The following BTN1A1 variants were observed in gnomAD, a reference collection of about 807,000 sequenced individuals.
BTN1A1 encodes the protein butyrophilin subfamily 1 member A1.
In BTN1A1, 26 loss-of-function variants were observed where a neutral mutation model predicts 33.1. That is an observed-to-expected ratio of 0.79 (90% CI 0.58 to 1.09). The LOEUF (loss-of-function observed/expected upper bound fraction) is 1.09. Ranked by LOEUF, BTN1A1 falls within the 50% of genes least tolerant of loss-of-function variation. BTN1A1 has a pLI of 0.00. For synonymous variants in BTN1A1, 235 were observed against 256.2 expected (o/e 0.92, Z 0.79); for missense variants, 558 against 655.7 (o/e 0.85, Z 1.63).
chr6:26,503,299 A>G (rs1239748789), intron 3 of BTN1A1, among the ~76,000 whole-genome samples: 2 of 152,186 alleles, frequency 1.3e-5, no homozygotes, highest in Admixed American at 1.3e-4. Context: ...AGCCTGGCCA[A>G]CATGGCAAAA....
intron 4 of BTN1A1, among the ~76,000 whole-genome samples, chr6:26,505,477 A>G (rs1046800463): frequency 2.0e-5 from 3 of 152,168 alleles, no homozygotes; most frequent in African/African-American, 7.2e-5. Flanking sequence ...ACTGGAGTGC[A>G]GCAGCAGAAT....
chr6:26,500,864 G>A (rs561593615), intron 1 of BTN1A1, among the ~76,000 whole-genome samples: 29 of 152,264 alleles, frequency 1.9e-4, no homozygotes, highest in African/African-American at 5.3e-4. Flanking sequence ...GCATTGAGCC[G>A]AGATCATGCC....
chr6:26,505,116 A>T lies in BTN1A1; in HGVS notation c.619A>T (p.Ile207Phe). ...TTTGTTCACTGTGGCTGCTTCAGTG[A>T]TCATCAGAGACACTTCTGCGAAAAA... ...EGLFTVAASV[I>F]IRDTSAKNVS... The change falls in exon 4 of 8, where the codon ATC becomes TTC. Residue 207 changes from isoleucine (I) to phenylalanine (F), a missense_variant. Physicochemically the swap from Ile to Phe is conservative, Grantham distance 21. Transcript: ENST00000684113. The T allele has an allele frequency of 6.2e-7, 1 of 1,614,188 alleles. No homozygotes were observed. The highest frequency in any genetic ancestry group is 8.5e-7 in the Non-Finnish European group (1 of 1,179,998).
At position 26,508,606 on chromosome 6, in the gene BTN1A1, CAG is replaced by C. The variant is rs775011189; in HGVS notation, c.1019_1020del (p.Arg340IlefsTer2). ...TCACGTCAGAAACTGCCTGAGAAAA[CAG>C]AGAGATTTGACTCCTGGCCCTGTGT... On this transcript the variant is annotated frameshift_variant, in exon 8 of 8. Coordinates refer to ENST00000684113, the MANE Select transcript of BTN1A1 (RefSeq NM_001732.3). LOFTEE classifies it low-confidence loss of function (END_TRUNC). 1.4e-5 allele frequency: 22 copies of C among 1,614,086 alleles called. No individual in the cohort carries two copies. The highest frequency in any genetic ancestry group is 1.3e-4 in the South Asian group (12 of 91,090).
rs201510329 is a variant in BTN1A1, at chr6:26,501,754, G to A, written c.244G>A (p.Glu82Lys). 13 of 1,613,646 alleles carry A rather than the reference G, an allele frequency of 8.1e-6. No homozygotes were observed. The highest frequency in any genetic ancestry group is 8.0e-5 in the African/African-American group (6 of 74,938). ...CGTGCTGGTGCATAGGGACGGGCGC[G>A]AGCAGGAAGCCGAGCAGATGCCCGA... Reference protein sequence around the residue: ...PAVLVHRDGREQEAEQMPEYR... With the variant: ...PAVLVHRDGRKQEAEQMPEYR... The change falls in exon 3 of 8, where the codon GAG (glutamate) becomes AAG (lysine). Residue 82 changes from glutamate to lysine, a missense_variant. Transcript: ENST00000684113. This position sits in a 1 kb window ranked among gnomAD's most constrained non-coding sequence, Gnocchi z 5.2.
intron 3 of BTN1A1, among the ~76,000 whole-genome samples, chr6:26,502,872 C>A (rs1581428516): frequency 6.6e-6 from 1 of 152,010 alleles, no homozygotes; most frequent in East Asian, 1.9e-4. Context: ...TTGCTTCAAG[C>A]CAGAATTCAA....
chr6:26,501,122 A>G lies in BTN1A1; in HGVS notation c.-57-108A>G. On this transcript the variant is annotated intron_variant, in intron 1 of 7. Transcript: ENST00000684113. This position sits in a 1 kb window ranked among gnomAD's most constrained non-coding sequence, Gnocchi z 5.2. ...GGGATGGAGGCTGAGAGGAGGTTTC[A>G]GGGGCAAATGACCAGAACACTTGCA... 3 of 646,864 alleles carry G rather than the reference A, an allele frequency of 4.6e-6. No individual in the cohort carries two copies. In the South Asian group the frequency reaches 5.4e-5, roughly 12 times the overall value. The allele number at this position is 646,864 out of a possible 1,614,324, so 40.1% of individuals were successfully genotyped here. A position where few individuals can be genotyped will look rare whatever the true frequency, so the allele number is the denominator to read the frequency against.
intron 3 of BTN1A1, 121 bp downstream of exon 3, chr6:26,502,058 G>A: frequency 7.5e-7 from 1 of 1,341,684 alleles, no homozygotes; most frequent in Non-Finnish European, 9.6e-7. Context: ...TGATGTCGCC[G>A]GGGAGGGACG....
Position 26,509,000 on chromosome 6 carries a change from C to T in BTN1A1, c.1407C>T (p.Pro469=). Reference sequence around the variant, plus strand: ...GCCTATGGTCTAGCGGTAAAAAGCCCCTGACCATCTGCCCAATTGCTGATG... The same window carrying T: ...GCCTATGGTCTAGCGGTAAAAAGCCTCTGACCATCTGCCCAATTGCTGATG... ...FFCLWSSGKK[P]LTICPIADGP... Residue 469 remains proline, a synonymous_variant, in exon 8 of 8, where the codon CCC becomes CCT. Coordinates refer to ENST00000684113, the MANE Select transcript of BTN1A1 (RefSeq NM_001732.3). The T allele has an allele frequency of 6.2e-7, 1 of 1,614,202 alleles. No homozygotes were observed. Among genetic ancestry groups the T allele is most frequent in the Non-Finnish European group, 8.5e-7 (1 of 1,180,034 alleles).
intron 5 of BTN1A1, 136 bp from the exon 6 acceptor site, chr6:26,507,814 A>T: frequency 1.1e-6 from 1 of 912,880 alleles, no homozygotes. Flanking sequence ...CTTGTTCTTG[A>T]TTTATTGGCA....
intron 3 of BTN1A1, among the ~76,000 whole-genome samples, chr6:26,503,049 G>A (rs770402604): frequency 6.6e-6 from 1 of 152,106 alleles, no homozygotes; most frequent in Non-Finnish European, 1.5e-5. Context: ...AATAGTCTGG[G>A]ACCAGTGGCC....
In BTN1A1 at chr6:26,504,843, T is replaced by G. The variant is rs531552265; in HGVS notation, c.428-82T>G. The G allele has an allele frequency of 5.0e-6, 7 of 1,404,456 alleles. No individual in the cohort carries two copies. In the Admixed American group the frequency reaches 1.0e-4, roughly 20 times the overall value. 87.0% of individuals were successfully genotyped at this position (1,404,456 alleles called of 1,614,324 possible). Reference sequence around the variant, plus strand: ...CACTTGTGCCTTTCTGTCTCTCTCTTTCTCAAACTATGTAGCTCTCTGGTT... The same window carrying G: ...CACTTGTGCCTTTCTGTCTCTCTCTGTCTCAAACTATGTAGCTCTCTGGTT... On this transcript the variant is annotated intron_variant, in intron 3 of 7. Transcript: ENST00000684113.
chr6:26,506,647 T>A (rs1185714698), intron 4 of BTN1A1, 36 bp from the exon 5 acceptor site: 3 of 1,608,666 alleles, frequency 1.9e-6, no homozygotes, highest in Non-Finnish European at 2.5e-6. Context: ...GCTCAGAATT[T>A]CTCAACTAAT....
intron 4 of BTN1A1, among the ~76,000 whole-genome samples, chr6:26,506,009 C>G (rs1475420485): frequency 2.0e-5 from 3 of 151,250 alleles, no homozygotes; most frequent in African/African-American, 7.3e-5. Context: ...GTCCCAGCTA[C>G]TTGGGAGGCT....
chr6:26,508,288 G>T (rs752362445), intron 7 of BTN1A1, among the ~76,000 whole-genome samples: 22 of 152,172 alleles, frequency 1.4e-4, no homozygotes, highest in Admixed American at 2.6e-4. Context: ...GTCCCATTAG[G>T]CCCTAGGCAC....
rs1260884629 is a variant in BTN1A1, at chr6:26,505,171, T to C, written c.674T>C (p.Leu225Pro). Residue 225 changes from leucine to proline, a missense_variant, in exon 4 of 8, where the codon CTT (leucine) becomes CCT (proline). Leu to Pro is a moderately conservative substitution (Grantham distance 98). Transcript: ENST00000684113. The stretch of plus-strand genomic sequence containing the variant: ...TCCTGCTACATCCAGAATCTCCTTC[T>C]TGGCCAGGAGAAGAAAGTAGAAATA... ...NVSCYIQNLL[L>P]GQEKKVEISI... is the part of the protein sequence containing the mutation. 3 of 1,613,884 alleles carry C rather than the reference T, an allele frequency of 1.9e-6. No homozygotes were observed. The South Asian group carries it at 3.3e-5, about 18-fold the overall frequency.
In BTN1A1 at chr6:26,505,198, C is replaced by A; in HGVS notation, c.701C>A (p.Ser234Tyr). The A allele has an allele frequency of 6.2e-7, 1 of 1,613,076 alleles. No homozygotes were observed. Among genetic ancestry groups the A allele is most frequent in the Non-Finnish European group, 8.5e-7 (1 of 1,179,200 alleles). ...GGCCAGGAGAAGAAAGTAGAAATAT[C>A]CATACCAGGTTAGTGGAACCAATGC... ...LLGQEKKVEI[S>Y]IPASSLPRLT... Residue 234 changes from serine (S) to tyrosine (Y), a missense_variant, in exon 4 of 8, where the codon TCC becomes TAC. By Grantham distance (144) the Ser-to-Tyr change is moderately radical. Coordinates refer to ENST00000684113, the MANE Select transcript of BTN1A1 (RefSeq NM_001732.3).
rs1763797395 is a variant in BTN1A1, at chr6:26,501,495, G to C, written c.80-95G>C. 6.9e-6 allele frequency: 11 copies of C among 1,584,182 alleles called. No individual in the cohort carries two copies. Among genetic ancestry groups the C allele is most frequent in the African/African-American group, 2.7e-5 (2 of 74,244 alleles). ...AAACTCAGCTGTCAAAGGAGTAAGA[G>C]AGCGCGGGGCACTGCGCTTTGGCGG... On this transcript the variant is annotated intron_variant, in intron 2 of 7. Coordinates refer to ENST00000684113, the MANE Select transcript of BTN1A1 (RefSeq NM_001732.3). The surrounding 1 kb of genome is among the most constrained non-coding windows in gnomAD (Gnocchi z 5.2).
chr6:26,507,855 A>G (rs1763891073), intron 5 of BTN1A1, 95 bp from the exon 6 acceptor site: 1 of 1,256,078 alleles, frequency 8.0e-7, no homozygotes, highest in African/African-American at 1.5e-5. Flanking sequence ...TCATGAATTA[A>G]ACAGTTCCTC....
Sources: allele counts gnomAD v4.1 joint callset (sites outside exome capture counted in the v4.1 genomes callset), GRCh38; gene constraint gnomAD v4.1.1; non-coding constraint Gnocchi (gnomAD v3.1); transcripts MANE v1.5; gene names NCBI Gene and HGNC (gene_info 2026-07-23, HGNC 2026-07-21).